Variants in DPP6 observed in about 807,000 individuals in gnomAD.
DPP6 encodes A-type potassium channel modulatory protein DPP6.
Under a neutral mutation model 122.6 loss-of-function variants are expected in DPP6, and 69 were observed. The observed-to-expected ratio is 0.56, with a 90% CI of 0.46 to 0.69. DPP6 has a LOEUF of 0.69. Ranked by LOEUF, DPP6 falls within the 30% of genes least tolerant of loss-of-function variation. The probability of loss-of-function intolerance (pLI) is 0.00; values close to 1 mark genes in which losing one functional copy is unlikely to be tolerated. For missense variants in DPP6, 928 were observed against 1,116.9 expected, an observed-to-expected ratio of 0.83 and a Z score of 2.41; for synonymous variants, 418 against 433.1, an observed-to-expected ratio of 0.97 and a Z score of 0.43.
At chr7:154,441,573 G>C (rs186804747) in intron 1 of DPP6, among the ~76,000 whole-genome samples, 155 of 152,254 alleles carry the variant, frequency 1.0e-3, no homozygotes, top group Admixed American at 2.3e-3. Flanking sequence ...AAGGTAGCAA[G>C]CAAGGCAAAT....
chr7:154,287,606 C>T (rs1454609608), intron 1 of DPP6, among the ~76,000 whole-genome samples: 1 of 152,258 alleles, frequency 6.6e-6, no homozygotes, highest in East Asian at 1.9e-4. Flanking sequence ...ATGGGAGCTG[C>T]GAGCTGCAGA....
At chr7:154,509,319 A>G (rs561766335) in intron 3 of DPP6, among the ~76,000 whole-genome samples, 51 of 152,348 alleles carry the variant, frequency 3.3e-4, no homozygotes, top group African/African-American at 1.2e-3. Context: ...AATGGGCACA[A>G]AATCTGAGGA....
chr7:153,866,643 C>G, the DPP6 span, among the ~76,000 whole-genome samples: 61 of 152,224 alleles, frequency 4.0e-4, no homozygotes, highest in African/African-American at 1.3e-3. Context: ...TGCAGAAGCT[C>G]TTTAGTTTAA....
chr7:154,209,926 C>T (rs1241907815), intron 1 of DPP6, among the ~76,000 whole-genome samples: 1 of 152,132 alleles, frequency 6.6e-6, no homozygotes, highest in East Asian at 1.9e-4. Context: ...GCAGTTAGAC[C>T]CCAGTGTTCA....
intron 3 of DPP6, among the ~76,000 whole-genome samples, chr7:154,497,475 G>T (rs760281401): frequency 6.6e-6 from 1 of 152,066 alleles, no homozygotes; most frequent in African/African-American, 2.4e-5. Flanking sequence ...AGGATGTGGT[G>T]GCGGGCATCT....
chr7:154,837,080 CAT>C (rs1350580306), intron 16 of DPP6, among the ~76,000 whole-genome samples: 9 of 152,344 alleles, frequency 5.9e-5, no homozygotes, highest in South Asian at 2.1e-4. Flanking sequence ...TGCACTCACA[CAT>C]GTGTGCTTAT....
intron 1 of DPP6, among the ~76,000 whole-genome samples, chr7:154,417,360 T>G (rs1374261791): frequency 6.6e-6 from 1 of 152,220 alleles, no homozygotes; most frequent in Admixed American, 6.5e-5. Context: ...ATGCTGCTAG[T>G]CCACGTACCA....
intron 10 of DPP6, among the ~76,000 whole-genome samples, chr7:154,776,797 A>G (rs1396915565): frequency 1.3e-5 from 2 of 152,242 alleles, no homozygotes; most frequent in Non-Finnish European, 2.9e-5. Flanking sequence ...AAGATGCTAA[A>G]GGAACTAACT....
chr7:154,781,898 T>C (rs1022456539), intron 10 of DPP6, among the ~76,000 whole-genome samples: 2 of 152,218 alleles, frequency 1.3e-5, no homozygotes, highest in Non-Finnish European at 2.9e-5. Flanking sequence ...TTAATCCTTG[T>C]GACGGAGACA....
At chr7:154,126,375 A>G (rs948071091) in intron 1 of DPP6, among the ~76,000 whole-genome samples, 2 of 152,164 alleles carry the variant, frequency 1.3e-5, no homozygotes, top group Non-Finnish European at 2.9e-5. Context: ...GAGTGGTGCT[A>G]TTAACATTCA....
intron 1 of DPP6, among the ~76,000 whole-genome samples, chr7:154,237,667 C>T (rs569369678): frequency 2.0e-5 from 3 of 152,208 alleles, no homozygotes; most frequent in East Asian, 3.9e-4. Flanking sequence ...TTTCTCTTTT[C>T]CTTCTCCTCC....
intron 1 of DPP6, among the ~76,000 whole-genome samples, chr7:154,366,558 A>T (rs914105684): frequency 3.3e-5 from 5 of 152,330 alleles, no homozygotes; most frequent in South Asian, 2.1e-4. Context: ...TTCTGACTTC[A>T]CTGGTCCGCG....
At chr7:154,257,626 G>A (rs1434659566) in intron 1 of DPP6, among the ~76,000 whole-genome samples, 1 of 152,222 alleles carries the variant, frequency 6.6e-6, no homozygotes, top group Non-Finnish European at 1.5e-5. Flanking sequence ...GAACCTGGGA[G>A]GCAGAGATTG....
intron 1 of DPP6, among the ~76,000 whole-genome samples, chr7:154,361,349 C>T (rs1050034317): frequency 2.0e-5 from 3 of 152,150 alleles, no homozygotes; most frequent in Admixed American, 2.0e-4. Flanking sequence ...AAAGTCTCCA[C>T]CTGAAGGTCA....
intron 8 of DPP6, among the ~76,000 whole-genome samples, chr7:154,751,323 G>C (rs111242651): frequency 6.6e-6 from 1 of 152,062 alleles, no homozygotes; most frequent in Admixed American, 6.6e-5. Context: ...AAAACTGGCC[G>C]GCACGATGGC....
chr7:154,236,197 A>G (rs909610990), intron 1 of DPP6, among the ~76,000 whole-genome samples: 2 of 152,200 alleles, frequency 1.3e-5, no homozygotes, highest in Admixed American at 1.3e-4. Flanking sequence ...TACCAAACCT[A>G]ATAGGAATGT....
intron 5 of DPP6, among the ~76,000 whole-genome samples, chr7:154,620,350 C>T (rs143639442): frequency 5.4e-4 from 82 of 152,290 alleles, no homozygotes; most frequent in African/African-American, 1.8e-3. Context: ...ATACGGCTTC[C>T]GAATGCCACA....
chr7:154,703,171 T>A (rs1293988242), intron 7 of DPP6, among the ~76,000 whole-genome samples: 1 of 152,220 alleles, frequency 6.6e-6, no homozygotes, highest in Admixed American at 6.5e-5. Flanking sequence ...TCCTTTAAGA[T>A]ATTACTGTTC....
chr7:153,799,894 G>A, the DPP6 span, among the ~76,000 whole-genome samples: 170 of 152,244 alleles, frequency 1.1e-3, 1 homozygote, highest in African/African-American at 3.6e-3. Flanking sequence ...GAACCCTAAA[G>A]TATTCCTTTT....
Sources: gnomAD v4.1 joint callset for allele counts (sites outside exome capture counted in the v4.1 genomes callset) on GRCh38, gnomAD v4.1.1 for gene constraint, MANE v1.5 for transcripts, NCBI Gene and HGNC (gene_info 2026-07-23, HGNC 2026-07-21) for gene names.